LCMT1: variants seen among roughly 807,000 people sequenced by gnomAD.
LCMT1 encodes the protein leucine carboxyl methyltransferase 1, also known as [Phosphatase 2A protein]-leucine-carboxy methyltransferase 1.
In LCMT1, 32 loss-of-function variants were observed where a neutral mutation model predicts 47.7. The ratio of observed to expected loss-of-function variants is 0.67; its 90% CI spans 0.51 to 0.90. LCMT1 has a LOEUF of 0.90. LCMT1 is among the 40% of genes least tolerant of loss of function. The pLI is 0.00. For missense variants in LCMT1, 375 were observed against 415.2 expected (o/e 0.90, Z 0.84); for synonymous variants, 152 against 149.7 (o/e 1.02, Z -0.11).
At chr16:25,122,345 G>A (rs893551864) in intron 1 of LCMT1, among the ~76,000 whole-genome samples, 10 of 152,092 alleles carry the variant, frequency 6.6e-5, no homozygotes, top group African/African-American at 1.4e-4. Flanking sequence ...TCACTCTGTC[G>A]CCCAGGCTGG....
rs767658472 is a variant in LCMT1 at position 25,178,029 on chromosome 16, C to T, written c.*6C>T. The T allele has an allele frequency of 1.1e-4, 184 of 1,613,702 alleles. No homozygotes were observed. Among genetic ancestry groups the T allele is most frequent in the Middle Eastern group, 1.6e-4 (1 of 6,062 alleles). On this transcript the variant is annotated 3_prime_UTR_variant, in exon 11 of 11. Transcript: ENST00000399069. ...TGAAGGAGATAACTTATTAATCTGT[C>T]GAAGGCTTATGCCGAGCCAGAAGCC...
chr16:25,132,008 C>A, intron 2 of LCMT1: 1 of 287,104 alleles, frequency 3.5e-6, no homozygotes, highest in Non-Finnish European at 7.1e-6. Flanking sequence ...GTTTCCTGAC[C>A]CATACTATTA....
At position 25,140,335 on chromosome 16, in the gene LCMT1, C is replaced by G. The variant is rs550557923; in HGVS notation, c.404+88C>G. 308 of 1,023,316 alleles carry G rather than the reference C, an allele frequency of 3.0e-4. 3 individuals are homozygous for G. In the African/African-American group the frequency reaches 4.1e-3, roughly 13 times the overall value. The allele number at this position is 1,023,316 out of a possible 1,614,324, so 63.4% of individuals were successfully genotyped here. On this transcript the variant is annotated intron_variant, in intron 4 of 10. Coordinates refer to ENST00000399069, the MANE Select transcript of LCMT1 (RefSeq NM_016309.3). ...TGGCAGATCTGAATGCCAGAGACTT[C>G]ACTTTAGGGTGTTGCCTTCCGTTCA...
At chr16:25,165,000 G>A (rs953379475) in intron 7 of LCMT1, among the ~76,000 whole-genome samples, 9 of 152,176 alleles carry the variant, frequency 5.9e-5, no homozygotes, top group African/African-American at 1.9e-4. Flanking sequence ...ATGAGGAAGA[G>A]GATTTTGGCT....
At chr16:25,150,266 A>G (rs1341900264) in intron 4 of LCMT1, among the ~76,000 whole-genome samples, 5 of 151,488 alleles carry the variant, frequency 3.3e-5, no homozygotes, top group African/African-American at 1.2e-4. Flanking sequence ...TTTATCTAGG[A>G]AAGGGTGGAG....
intron 1 of LCMT1, among the ~76,000 whole-genome samples, chr16:25,112,869 G>T (rs145751593): frequency 6.6e-6 from 1 of 152,030 alleles, no homozygotes; most frequent in African/African-American, 2.4e-5. Context: ...GAGTTTGGGC[G>T]CGGTGGTTCA....
chr16:25,167,177 C>G (rs1372703976), intron 7 of LCMT1, among the ~76,000 whole-genome samples: 3 of 152,142 alleles, frequency 2.0e-5, no homozygotes, highest in Non-Finnish European at 4.4e-5. Flanking sequence ...TGGTTCTGCT[C>G]CCACCCACCA....
At chr16:25,167,235 TAACA>T (rs1961614974) in intron 7 of LCMT1, among the ~76,000 whole-genome samples, 2 of 152,166 alleles carry the variant, frequency 1.3e-5, no homozygotes, top group South Asian at 4.1e-4. Context: ...AGTGGTTTCC[TAACA>T]AACGCAAAAT....
intron 4 of LCMT1, chr16:25,142,519 G>A (rs937813756): frequency 3.9e-5 from 6 of 152,180 alleles, no homozygotes; most frequent in Non-Finnish European, 4.4e-5. Context: ...CTCTGAGCCT[G>A]GGGATGATGG....
At chr16:25,117,495 G>C (rs1959830974) in intron 1 of LCMT1, among the ~76,000 whole-genome samples, 1 of 152,122 alleles carries the variant, frequency 6.6e-6, no homozygotes, top group South Asian at 2.1e-4. Flanking sequence ...CTTCATATCA[G>C]CTCCTCGTGT....
chr16:25,144,806 GA>G, intron 4 of LCMT1: 1 of 152,280 alleles, frequency 6.6e-6, no homozygotes, highest in Non-Finnish European at 1.5e-5. Context: ...TGTCTGTTTC[GA>G]AAAATGAGCC....
intron 1 of LCMT1, among the ~76,000 whole-genome samples, chr16:25,119,764 T>C (rs891289352): frequency 1.3e-5 from 2 of 151,996 alleles, no homozygotes; most frequent in East Asian, 1.9e-4. Flanking sequence ...AAGGTCGAGA[T>C]TGTGATCTGA....
chr16:25,136,045 C>T (rs1212144119), intron 3 of LCMT1, among the ~76,000 whole-genome samples: 1 of 142,978 alleles, frequency 7.0e-6, no homozygotes, highest in Non-Finnish European at 1.5e-5. Flanking sequence ...GAGCCAAGAT[C>T]GTGCCACTGC....
chr16:25,164,762 G>A (rs760993217), intron 7 of LCMT1, 44 bp downstream of exon 7: 25 of 1,613,074 alleles, frequency 1.5e-5, no homozygotes, highest in African/African-American at 4.0e-5. Flanking sequence ...CAGGATCGCC[G>A]TGGTGGCTTC....
chr16:25,142,210 G>A (rs955329209), intron 4 of LCMT1: 2 of 152,140 alleles, frequency 1.3e-5, no homozygotes, highest in Non-Finnish European at 2.9e-5. Flanking sequence ...CTAAGCTGTG[G>A]AGAGAGGTAT....
rs543660522 is a variant in LCMT1, at chr16:25,124,713, C to T, written c.114-3762C>T. Among the ~76,000 whole-genome samples the T allele has an allele frequency of 1.2e-4, 18 of 152,242 alleles. 1 individual carries two copies. The highest frequency in any genetic ancestry group is 4.1e-4 in the South Asian group (2 of 4,830). ...ATTTCACACCTTTCAGAAGAAGGCC[C>T]CATTGTTCCAGTTGACGCTCGTGGA... is the stretch of plus-strand genomic sequence containing the variant. On this transcript the variant is annotated intron_variant, in intron 1 of 10. Transcript: ENST00000399069.
intron 5 of LCMT1, among the ~76,000 whole-genome samples, chr16:25,156,800 A>T (rs1454405717): frequency 6.6e-6 from 1 of 152,190 alleles, no homozygotes; most frequent in African/African-American, 2.4e-5. Context: ...TTTAAGCCCC[A>T]TGAGGGCAGG....
intron 10 of LCMT1, among the ~76,000 whole-genome samples, chr16:25,176,067 A>G (rs535960966): frequency 6.6e-6 from 1 of 152,268 alleles, no homozygotes; most frequent in East Asian, 1.9e-4. Flanking sequence ...TTACAAACCC[A>G]TGCAGCTAGG....
intron 5 of LCMT1, among the ~76,000 whole-genome samples, chr16:25,153,493 C>T (rs1961141604): frequency 6.6e-6 from 1 of 152,118 alleles, no homozygotes; most frequent in Admixed American, 6.6e-5. Flanking sequence ...CAATCCCAAT[C>T]CCAAGCAAGT....
Sources: gnomAD v4.1 joint callset for allele counts (sites outside exome capture counted in the v4.1 genomes callset) on GRCh38, gnomAD v4.1.1 for gene constraint, MANE v1.5 for transcripts, NCBI Gene and HGNC (gene_info 2026-07-23, HGNC 2026-07-21) for gene names.